SPTBN4: variants seen among roughly 807,000 people sequenced by gnomAD.
The protein encoded by SPTBN4 is spectrin beta chain, non-erythrocytic 4.
A neutral mutation model predicts 277.8 loss-of-function variants in SPTBN4; 96 were observed. The observed-to-expected ratio is 0.35, with a 90% CI of 0.29 to 0.41. The LOEUF is 0.41. Among genes scored for constraint, SPTBN4 ranks in the 10% least tolerant of loss-of-function variants. SPTBN4 has a pLI of 1.00. For synonymous variants in SPTBN4, 1,481 were observed against 1,580.3 expected, an observed-to-expected ratio of 0.94 and a Z score of 1.49; for missense variants, 3,006 against 3,595.7, an observed-to-expected ratio of 0.84 and a Z score of 4.19.
Position 40,549,251 on chromosome 19 carries a change from G to T in SPTBN4, c.4422G>T (p.Ala1474=). ...REVGELQAQT[A]ALPLEPASKE... ...TGGGAGAGCTGCAGGCGCAGACGGCGGCGCTGCCGCTGGAGCCGGCGAGCA... is the reference window on the plus strand; with the variant it reads ...TGGGAGAGCTGCAGGCGCAGACGGCTGCGCTGCCGCTGGAGCCGGCGAGCA... The change falls in exon 21 of 36, where the codon GCG becomes GCT. Residue 1474 remains alanine, a synonymous_variant. Transcript: ENST00000598249. The T allele has an allele frequency of 6.5e-7, 1 of 1,547,360 alleles. No individual in the cohort carries two copies. Among genetic ancestry groups the T allele is most frequent in the Non-Finnish European group, 8.7e-7 (1 of 1,146,936 alleles).
intron 35 of SPTBN4, among the ~76,000 whole-genome samples, chr19:40,573,553 G>A (rs1437449137): frequency 1.3e-5 from 2 of 152,230 alleles, no homozygotes; most frequent in Non-Finnish European, 2.9e-5. Flanking sequence ...ATTCCTGGCT[G>A]GGCGCAGTGG....
chr19:40,518,316 CAA>C (rs2080483437), intron 15 of SPTBN4, among the ~76,000 whole-genome samples: 2 of 151,938 alleles, frequency 1.3e-5, no homozygotes, highest in Non-Finnish European at 2.9e-5. Context: ...AAAAAGAAAA[CAA>C]AATTTAAAAA....
intron 20 of SPTBN4, among the ~76,000 whole-genome samples, chr19:40,548,351 C>T (rs919862746): frequency 6.6e-6 from 1 of 151,872 alleles, no homozygotes; most frequent in South Asian, 2.1e-4. Flanking sequence ...ATTAGCAAGG[C>T]ATGGTGTCAG....
chr19:40,519,615 GC>G lies in SPTBN4; in HGVS notation c.3121del (p.Leu1041PhefsTer33). 1.4e-6 allele frequency: 2 copies of G among 1,450,078 alleles called. No individual in the cohort carries two copies. Among genetic ancestry groups the G allele is most frequent in the Non-Finnish European group, 1.8e-6 (2 of 1,113,168 alleles). The allele number at this position is 1,450,078 out of a possible 1,614,324, so 89.8% of individuals were successfully genotyped here. On this transcript the variant is annotated frameshift_variant, in exon 16 of 36. Transcript: ENST00000598249. LOFTEE classifies it high-confidence loss of function. This position sits in a 1 kb window ranked among gnomAD's most constrained non-coding sequence, Gnocchi z 5.7. Reference protein sequence around the residue: ...ALQALEPRQAALLEEAALLAE... With the variant: ...ALQALEPRQAXLLEEAALLAE... ...GCAGGCGCTGGAGCCGCGCCAGGCG[GC>G]CCTTCTGGAGGAGGCAGCCCTGCTG...
rs558754592 is a variant in SPTBN4 at position 40,573,200 on chromosome 19, C to T, written c.7536+820C>T. On this transcript the variant is annotated intron_variant, in intron 35 of 35. Transcript: ENST00000598249. ...TGGTGGCACATGCCTGTGGTCCCAG[C>T]TACTCAGGAGGCCGAGTGGAAGGAT... Among the ~76,000 whole-genome samples, 3 of 152,266 alleles carry T rather than the reference C, an allele frequency of 2.0e-5. No individual in the cohort carries two copies. The South Asian group carries it at 6.2e-4, about 32-fold the overall frequency.
rs1330369482 is a variant in SPTBN4 at position 40,567,873 on chromosome 19, C to G, written c.6547C>G (p.Leu2183Val). 1 of 1,525,636 alleles carries G rather than the reference C, an allele frequency of 6.6e-7. No individual in the cohort carries two copies. The highest frequency in any genetic ancestry group is 2.1e-5 in the Admixed American group (1 of 48,432). 94.5% of individuals were successfully genotyped at this position (1,525,636 alleles called of 1,614,324 possible). The change falls in exon 31 of 36, where the codon CTC (leucine) becomes GTC (valine). Residue 2183 changes from leucine (L) to valine (V), a missense_variant. Transcript: ENST00000598249. ...RTRVGYVRQE[L>V]KPERLQPRID... ...TCGGGTGGGGTATGTGCGCCAGGAGCTCAAGCCCGAGCGCCTCCAGCCGCG... is the reference window on the plus strand; with the variant it reads ...TCGGGTGGGGTATGTGCGCCAGGAGGTCAAGCCCGAGCGCCTCCAGCCGCG...
intron 21 of SPTBN4, among the ~76,000 whole-genome samples, 163 bp from the exon 22 acceptor site, chr19:40,550,075 A>G (rs547499863): frequency 1.3e-5 from 2 of 151,602 alleles, no homozygotes; most frequent in African/African-American, 4.8e-5. Context: ...ATTCGATCCC[A>G]TCTCAAAGAA....
chr19:40,565,729 G>C lies in SPTBN4; in HGVS notation c.6123G>C (p.Trp2041Cys), dbSNP rs1293198525. The C allele has an allele frequency of 6.4e-7, 1 of 1,552,834 alleles. No homozygotes were observed. The part of the protein sequence containing the change: ...EEVSEKWDRH[W>C]EWLQQMLEVH... ...TGTCGGAAAAGTGGGACCGCCATTGGGAGTGGCTGCAGCAGAGTGAGTGGG... is the reference window on the plus strand; with the variant it reads ...TGTCGGAAAAGTGGGACCGCCATTGCGAGTGGCTGCAGCAGAGTGAGTGGG... Residue 2041 changes from tryptophan to cysteine, a missense_variant, in exon 29 of 36, where the codon TGG (tryptophan) becomes TGC (cysteine). Around this residue, in one of 5 missense-constraint regions of SPTBN4, gnomAD observed 425 missense variants for 594.7 expected, o/e 0.71. Transcript: ENST00000598249.
In SPTBN4 at chr19:40,489,173, G is replaced by C. The variant is rs1005898929; in HGVS notation, c.322-902G>C. ...AGATCGCGCGACTGCACTCCAGCCTGGGCGACAGAGTGAGACTCCGTTTCA... is the reference window on the plus strand; with the variant it reads ...AGATCGCGCGACTGCACTCCAGCCTCGGCGACAGAGTGAGACTCCGTTTCA... On this transcript the variant is annotated intron_variant, in intron 3 of 35. Coordinates refer to ENST00000598249, the MANE Select transcript of SPTBN4 (RefSeq NM_020971.3). Among the ~76,000 whole-genome samples, 14 of 148,360 alleles carry C rather than the reference G, an allele frequency of 9.4e-5. No homozygotes were observed. The East Asian group carries it at 2.8e-3, about 30-fold the overall frequency.
chr19:40,513,233 A>G lies in SPTBN4; in HGVS notation c.2444A>G (p.His815Arg), dbSNP rs2080414361. Residue 815 changes from histidine to arginine, a missense_variant, in exon 14 of 36, where the codon CAC becomes CGC. Around this residue, in one of 5 missense-constraint regions of SPTBN4, gnomAD observed 1,759 missense variants for 2,061.5 expected, o/e 0.85. Coordinates refer to ENST00000598249, the MANE Select transcript of SPTBN4 (RefSeq NM_020971.3). The stretch of plus-strand genomic sequence containing the variant: ...TCCAGCCGCCGCCTGGCGCGCCAGC[A>G]CCGCGCGCTCACCGGGGAGGTGGAG... ...EASSRRLARQ[H>R]RALTGEVEAH... 3 of 1,515,972 alleles carry G rather than the reference A, an allele frequency of 2.0e-6. No individual in the cohort carries two copies. The highest frequency in any genetic ancestry group is 2.6e-6 in the Non-Finnish European group (3 of 1,139,012). The allele number at this position is 1,515,972 out of a possible 1,614,324, so 93.9% of individuals were successfully genotyped here. A position where few individuals can be genotyped will look rare whatever the true frequency, so the allele number is the denominator to read the frequency against.
rs773866452 is a variant in SPTBN4 at position 40,472,663 on chromosome 19, GC to G, written c.44del (p.Pro15LeufsTer57). 6.2e-7 allele frequency: 1 copy of G among 1,613,908 alleles called. No homozygotes were observed. The highest frequency in any genetic ancestry group is 1.3e-5 in the African/African-American group (1 of 75,064). Reference protein sequence around the residue: ...PGEVDNMEGLPAPNNNPAARW... With the variant: ...PGEVDNMEGLXAPNNNPAARW... ...GGGAAGTGGACAACATGGAGGGCCT[GC>G]CTGCTCCTAACAACAACCCTGCTGC... On this transcript the variant is annotated frameshift_variant, in exon 2 of 36. Transcript: ENST00000598249. LOFTEE classifies it high-confidence loss of function.
At chr19:40,501,668 TAAAAA>T (rs58954118) in intron 7 of SPTBN4, among the ~76,000 whole-genome samples, 1 of 144,504 alleles carries the variant, frequency 6.9e-6, no homozygotes, top group Non-Finnish European at 1.5e-5. Context: ...AATTCCATCT[TAAAAA>T]AAAAAAGAAA....
chr19:40,522,146 C>T (rs1385837333), intron 16 of SPTBN4, among the ~76,000 whole-genome samples: 1 of 152,014 alleles, frequency 6.6e-6, no homozygotes, highest in African/African-American at 2.4e-5. Flanking sequence ...CCCACGTCAG[C>T]CCTCCAAGTA....
intron 20 of SPTBN4, among the ~76,000 whole-genome samples, chr19:40,542,304 C>G (rs544670530): frequency 6.6e-6 from 1 of 152,154 alleles, no homozygotes; most frequent in African/African-American, 2.4e-5. Flanking sequence ...TCCCTCATCC[C>G]GTACCACACC....
Position 40,502,357 on chromosome 19 carries a change from G to T in SPTBN4, c.1086-33G>T. ...GAGGGAGGGTGGGCAGGGGTGGCATGACGGCAGGGCTCCTGAGCTCATGCC... is the reference window on the plus strand; with the variant it reads ...GAGGGAGGGTGGGCAGGGGTGGCATTACGGCAGGGCTCCTGAGCTCATGCC... On this transcript the variant is annotated intron_variant, in intron 9 of 35. Coordinates refer to ENST00000598249, the MANE Select transcript of SPTBN4 (RefSeq NM_020971.3). This position sits in a 1 kb window ranked among gnomAD's most constrained non-coding sequence, Gnocchi z 4.9. The T allele has an allele frequency of 6.2e-7, 1 of 1,609,344 alleles. No homozygotes were observed. The highest frequency in any genetic ancestry group is 1.1e-5 in the South Asian group (1 of 90,876).
rs61403353 is a variant in SPTBN4, at chr19:40,516,237, C to CAAAAA, written c.2903+804_2903+808dup. Among the ~76,000 whole-genome samples the CAAAAA allele has an allele frequency of 8.9e-5, 10 of 112,290 alleles. No individual in the cohort carries two copies. The Admixed American group carries it at 1.0e-3, about 11-fold the overall frequency. The allele number at this position is 112,290 out of a possible 152,430, so 73.7% of individuals were successfully genotyped here. ...TGGGCAATAGAGCCAGACCTTGTCT[C>CAAAAA]AAAAAAAAAAAAAAAAAAATTCCCA... is the stretch of plus-strand genomic sequence containing the variant. On this transcript the variant is annotated intron_variant, in intron 15 of 35. Transcript: ENST00000598249.
chr19:40,554,767 T>TGG lies in SPTBN4; in HGVS notation c.5084+122_5084+123dup. 1 of 1,470,006 alleles carries TGG rather than the reference T, an allele frequency of 6.8e-7. No individual in the cohort carries two copies. The allele number at this position is 1,470,006 out of a possible 1,614,324, so 91.1% of individuals were successfully genotyped here. ...GGGAGAGGTCCTCCTTGCTGTGTGC[T>TGG]GGAGCCCTCGAATTTGGCAAGTGGG... On this transcript the variant is annotated intron_variant, in intron 24 of 35. Coordinates refer to ENST00000598249, the MANE Select transcript of SPTBN4 (RefSeq NM_020971.3). This position sits in a 1 kb window ranked among gnomAD's most constrained non-coding sequence, Gnocchi z 5.7.
intron 32 of SPTBN4, 49 bp from the exon 33 acceptor site, chr19:40,570,387 C>CCA: frequency 6.8e-7 from 1 of 1,465,770 alleles, no homozygotes; most frequent in Non-Finnish European, 9.1e-7. Context: ...CAGATGACCC[C>CCA]CACACCCTCT....
intron 12 of SPTBN4, among the ~76,000 whole-genome samples, chr19:40,505,382 CAA>C (rs1209780246): frequency 2.1e-4 from 12 of 55,874 alleles, no homozygotes; most frequent in East Asian, 1.1e-3. Context: ...GACCCTGTCT[CAA>C]AAAAAAAAAA....
Sources: allele counts gnomAD v4.1 joint callset (sites outside exome capture counted in the v4.1 genomes callset), GRCh38; gene constraint gnomAD v4.1.1; regional missense constraint gnomAD v4.1.1; non-coding constraint Gnocchi (gnomAD v3.1); transcripts MANE v1.5; gene names NCBI Gene and HGNC (gene_info 2026-07-23, HGNC 2026-07-21).